Variants in SLC12A1 observed in about 807,000 individuals in gnomAD.
SLC12A1 encodes solute carrier family 12 member 1.
In SLC12A1, 89 loss-of-function variants were observed where a neutral mutation model predicts 130.4. The observed-to-expected ratio is 0.68, with a 90% CI of 0.58 to 0.81. The LOEUF (loss-of-function observed/expected upper bound fraction) is 0.81. Among genes scored for constraint, SLC12A1 ranks in the 40% least tolerant of loss-of-function variants. The pLI is 0.00. For missense variants in SLC12A1, 1,310 were observed against 1,336.4 expected, an observed-to-expected ratio of 0.98 and a Z score of 0.31; for synonymous variants, 499 against 460.0, an observed-to-expected ratio of 1.08 and a Z score of -1.09.
At chr15:48,271,704 G>A (rs761927644) in intron 19 of SLC12A1, among the ~76,000 whole-genome samples, 1 of 152,102 alleles carries the variant, frequency 6.6e-6, no homozygotes, top group Non-Finnish European at 1.5e-5. Context: ...TAAAGCCTGG[G>A]GCCACGTACT....
In SLC12A1 at chr15:48,299,106, C is replaced by T. The variant is rs199964417; in HGVS notation, c.2961-34C>T. 113 of 1,577,210 alleles carry T rather than the reference C, an allele frequency of 7.2e-5. 1 individual carries two copies. In the South Asian group the frequency reaches 1.3e-3, roughly 18 times the overall value. ...TCTGTGAAATAATGAGTTAGTTTCC[C>T]ACTGTGAGGCCTCCTTTATAATTCA... On this transcript the variant is annotated intron_variant, in intron 24 of 26. Coordinates refer to ENST00000380993, the MANE Select transcript of SLC12A1 (RefSeq NM_000338.3).
chr15:48,265,162 G>C lies in SLC12A1; in HGVS notation c.2155-2399G>C, dbSNP rs78349979. Among the ~76,000 whole-genome samples the C allele has an allele frequency of 7.6e-3, 1,153 of 152,232 alleles. 50 individuals are homozygous for C. The East Asian group carries it at 0.11, about 14-fold the overall frequency. ...AGCCTTCCTTGCTTCACATTAATAA[G>C]TGTGCTACAATGATGTTATAATCGT... On this transcript the variant is annotated intron_variant, in intron 17 of 26. Coordinates refer to ENST00000380993, the MANE Select transcript of SLC12A1 (RefSeq NM_000338.3).
intron 26 of SLC12A1, among the ~76,000 whole-genome samples, 160 bp from the exon 27 acceptor site, chr15:48,302,590 G>A (rs2042247058): frequency 1.6e-5 from 2 of 125,566 alleles, no homozygotes; most frequent in Non-Finnish European, 3.2e-5. Flanking sequence ...ACTGCAGTCC[G>A]CAGTCCGGCC....
At chr15:48,217,160 G>A (rs2041132116) in intron 2 of SLC12A1, among the ~76,000 whole-genome samples, 1 of 152,062 alleles carries the variant, frequency 6.6e-6, no homozygotes. Flanking sequence ...AAACACTCCT[G>A]TGATTCAGTT....
chr15:48,258,686 C>T (rs1392089696), intron 16 of SLC12A1, among the ~76,000 whole-genome samples: 1 of 152,150 alleles, frequency 6.6e-6, no homozygotes, highest in Non-Finnish European at 1.5e-5. Context: ...CAGCAGCACC[C>T]CACTCTACCA....
chr15:48,207,726 C>T lies in SLC12A1; in HGVS notation c.7C>T (p.Leu3=), dbSNP rs752937144. Residue 3 remains leucine, a synonymous_variant, in exon 2 of 27, where the codon CTG becomes TTG. Transcript: ENST00000380993. Reference sequence around the variant, plus strand: ...AAAAAATCAATTTTGGAAGATGTCACTGAACAACTCTTCCAATGTATTTCT... The same window carrying T: ...AAAAAATCAATTTTGGAAGATGTCATTGAACAACTCTTCCAATGTATTTCT... MS[L]NNSSNVFLDS... is the part of the protein sequence containing the mutation. The T allele has an allele frequency of 1.5e-5, 24 of 1,564,446 alleles. No homozygotes were observed. In the South Asian group the frequency reaches 2.6e-4, roughly 17 times the overall value.
intron 7 of SLC12A1, among the ~76,000 whole-genome samples, chr15:48,231,558 T>C (rs2041378596): frequency 6.6e-6 from 1 of 152,192 alleles, no homozygotes; most frequent in Admixed American, 6.5e-5. Context: ...TAGTAAATTA[T>C]TTAACCTCTC....
chr15:48,301,292 A>G, intron 25 of SLC12A1, 23 bp from the exon 26 acceptor site: 1 of 1,566,622 alleles, frequency 6.4e-7, no homozygotes, highest in Non-Finnish European at 8.7e-7. Context: ...ACTGTACTCA[A>G]CAAATCTGAA....
intron 18 of SLC12A1, among the ~76,000 whole-genome samples, chr15:48,268,507 G>A (rs2041858116): frequency 6.6e-6 from 1 of 152,142 alleles, no homozygotes; most frequent in South Asian, 2.1e-4. Flanking sequence ...CTGCATCCAG[G>A]TAACTCAGAT....
rs1476169595 is a variant in SLC12A1, at chr15:48,241,451, T to C, written c.1216-64T>C. On this transcript the variant is annotated intron_variant, in intron 9 of 26. Coordinates refer to ENST00000380993, the MANE Select transcript of SLC12A1 (RefSeq NM_000338.3). The stretch of plus-strand genomic sequence containing the variant: ...AAAAATCTGAAAATATGAAAATAAC[T>C]CCAAGTGATCTATGGTTCTTATTCT... 5.5e-6 allele frequency: 7 copies of C among 1,282,106 alleles called. No homozygotes were observed. In the African/African-American group the frequency reaches 8.8e-5, roughly 16 times the overall value. 79.4% of individuals were successfully genotyped at this position (1,282,106 alleles called of 1,614,324 possible).
chr15:48,274,624 T>C lies in SLC12A1; in HGVS notation c.2456T>C (p.Phe819Ser), dbSNP rs561055976. ...GTTATAGTCAGAATCAGCCAAGGAT[T>C]TGACATCTCTCAGGTTCTTCAGGTG... ...GVVIVRISQGFDISQVLQVQE... is the reference protein window; with the variant it reads ...GVVIVRISQGSDISQVLQVQE... The change falls in exon 20 of 27, where the codon TTT becomes TCT. Residue 819 changes from phenylalanine to serine, a missense_variant. Physicochemically the swap from Phe to Ser is radical, Grantham distance 155 (BLOSUM62 -2). Transcript: ENST00000380993. 1.4e-5 allele frequency: 22 copies of C among 1,613,016 alleles called. 1 individual carries two copies. The South Asian group carries it at 2.2e-4, about 16-fold the overall frequency.
At chr15:48,269,394 T>G (rs1210710920) in intron 18 of SLC12A1, among the ~76,000 whole-genome samples, 1 of 152,220 alleles carries the variant, frequency 6.6e-6, no homozygotes, top group Non-Finnish European at 1.5e-5. Context: ...TTTTAATGAC[T>G]GTGTCAGAAG....
chr15:48,217,244 A>G (rs2041133770), intron 2 of SLC12A1, among the ~76,000 whole-genome samples: 1 of 152,224 alleles, frequency 6.6e-6, no homozygotes, highest in Non-Finnish European at 1.5e-5. Flanking sequence ...TATTCTCCAA[A>G]GATTAAGTAT....
intron 20 of SLC12A1, among the ~76,000 whole-genome samples, chr15:48,282,953 C>T (rs1018481221): frequency 2.6e-5 from 4 of 152,068 alleles, no homozygotes; most frequent in African/African-American, 9.7e-5. Context: ...ACTCACTTAA[C>T]CTATTAGTTT....
chr15:48,210,032 G>A (rs912687459), intron 2 of SLC12A1, among the ~76,000 whole-genome samples: 12 of 152,168 alleles, frequency 7.9e-5, no homozygotes, highest in African/African-American at 2.9e-4. Flanking sequence ...TGAGAAGGGA[G>A]GCAATTTGAA....
chr15:48,210,338 G>C (rs1475285973), intron 2 of SLC12A1, among the ~76,000 whole-genome samples: 2 of 152,072 alleles, frequency 1.3e-5, no homozygotes, highest in Non-Finnish European at 2.9e-5. Flanking sequence ...CTTTTTTAAA[G>C]TTAGTGTCAC....
At chr15:48,243,641 G>T (rs768132002) in intron 10 of SLC12A1, among the ~76,000 whole-genome samples, 14 of 152,196 alleles carry the variant, frequency 9.2e-5, no homozygotes, top group African/African-American at 3.4e-4. Context: ...GTGACAGAGC[G>T]AGACTCTGTC....
chr15:48,253,013 C>T (rs2041665393), intron 15 of SLC12A1, among the ~76,000 whole-genome samples: 1 of 152,160 alleles, frequency 6.6e-6, no homozygotes, highest in African/African-American at 2.4e-5. Context: ...TGGATCTGAA[C>T]TTTGGGTGTT....
In SLC12A1 at chr15:48,231,029, G is replaced by A. The variant is rs146479399; in HGVS notation, c.975+526G>A. Among the ~76,000 whole-genome samples the A allele has an allele frequency of 8.6e-3, 1,307 of 152,274 alleles. 18 individuals are homozygous for A. Among genetic ancestry groups the A allele is most frequent in the African/African-American group, 0.03 (1,239 of 41,546 alleles). ...TAAATTTCCGAATGATGGGAAACATGTCTTTTGCCTCCTTTGTAATTCCCT... is the reference window on the plus strand; with the variant it reads ...TAAATTTCCGAATGATGGGAAACATATCTTTTGCCTCCTTTGTAATTCCCT... On this transcript the variant is annotated intron_variant, in intron 7 of 26. Transcript: ENST00000380993.
Sources: gnomAD v4.1 joint callset for allele counts (sites outside exome capture counted in the v4.1 genomes callset) on GRCh38, gnomAD v4.1.1 for gene constraint, MANE v1.5 for transcripts, NCBI Gene and HGNC (gene_info 2026-07-23, HGNC 2026-07-21) for gene names.